OR56A3: variants seen among roughly 807,000 people sequenced by gnomAD.
OR56A3 encodes the protein olfactory receptor family 56 subfamily A member 3, also known as olfactory receptor 56A3.
A neutral mutation model predicts 17.5 loss-of-function variants in OR56A3; 23 were observed. That is an observed-to-expected ratio of 1.32 (90% CI 0.95 to 1.87). The LOEUF (loss-of-function observed/expected upper bound fraction) is 1.87, where lower values mean the gene tolerates loss of function less well. Ranked by LOEUF, OR56A3 falls within the 40% of genes most tolerant of loss-of-function variation. OR56A3 has a pLI of 0.00. For synonymous variants in OR56A3, 175 were observed against 150.6 expected (o/e 1.16, Z -1.19); for missense variants, 366 against 380.1 (o/e 0.96, Z 0.31).
In OR56A3 at chr11:5,950,622, A is replaced by C. The variant is rs750068402; in HGVS notation, c.*2328A>C. On this transcript the variant is annotated 3_prime_UTR_variant, in exon 3 of 3. Transcript: ENST00000641160. ...TTAGTACACATGTTGAAAAAGTAGA[A>C]ACAGACAAAATTAGTTCTAATAAGA... 1.3e-5 allele frequency: 2 copies of C among 152,142 alleles called. No individual in the cohort carries two copies. Among genetic ancestry groups the C allele is most frequent in the Non-Finnish European group, 2.9e-5 (2 of 67,980 alleles). 9.4% of individuals were successfully genotyped at this position (152,142 alleles called of 1,614,324 possible).
the OR56A3 span, chr11:5,968,484 G>A: frequency 1.3e-6 from 2 of 1,552,110 alleles, no homozygotes; most frequent in Non-Finnish European, 1.7e-6. Context: ...GTTGTTGCTG[G>A]GTAATGTCAT....
chr11:5,994,590 T>G, the OR56A3 span: 95 of 819,518 alleles, frequency 1.2e-4, no homozygotes, highest in South Asian at 1.2e-3. Context: ...GTGACATTGG[T>G]GTCATCAATG....
At chr11:5,994,201 C>A in the OR56A3 span, 1 of 526,106 alleles carries the variant, frequency 1.9e-6, no homozygotes, top group South Asian at 1.6e-5. Flanking sequence ...CTCCCTCAGG[C>A]TGTTCTCTAA....
the OR56A3 span, chr11:5,968,308 A>G: frequency 1.2e-6 from 2 of 1,612,776 alleles, no homozygotes; most frequent in East Asian, 4.5e-5. Context: ...AGCAGGTAGT[A>G]CAGGGGCTGG....
chr11:6,005,243 A>G, the OR56A3 span, among the ~76,000 whole-genome samples: 9 of 152,326 alleles, frequency 5.9e-5, no homozygotes, highest in East Asian at 1.5e-3. Flanking sequence ...AGATGCAACA[A>G]GCTAAGAGCA....
the OR56A3 span, among the ~76,000 whole-genome samples, chr11:5,979,658 G>T: frequency 2.0e-5 from 3 of 151,522 alleles, no homozygotes; most frequent in Admixed American, 6.6e-5. Flanking sequence ...AAAACGTTTT[G>T]GTTTCATTGA....
chr11:5,953,843 CATA>C (rs1400649667), downstream of OR56A3, among the ~76,000 whole-genome samples: 5 of 152,000 alleles, frequency 3.3e-5, no homozygotes, highest in African/African-American at 1.2e-4. Flanking sequence ...ATCAAGATTT[CATA>C]ATCCAGATGG....
the OR56A3 span, chr11:5,986,114 C>T: frequency 6.2e-7 from 1 of 1,613,894 alleles, no homozygotes; most frequent in Non-Finnish European, 8.5e-7. Flanking sequence ...GAGAAAATTC[C>T]AGGGACATAG....
the OR56A3 span, among the ~76,000 whole-genome samples, chr11:5,972,818 A>C: frequency 0.24 from 36,105 of 152,040 alleles, 4,541 homozygotes; most frequent in East Asian, 0.41. Context: ...TAGTAGAGAC[A>C]GGGTTTCACG....
chr11:5,974,195 C>T, the OR56A3 span, among the ~76,000 whole-genome samples: 2 of 152,094 alleles, frequency 1.3e-5, no homozygotes, highest in Admixed American at 1.3e-4. Flanking sequence ...CAACTTCCAC[C>T]TCCTGGTTTC....
chr11:5,976,377 CT>C, the OR56A3 span, among the ~76,000 whole-genome samples: 4 of 152,148 alleles, frequency 2.6e-5, no homozygotes, highest in African/African-American at 9.7e-5. Flanking sequence ...AAAGGAAAAG[CT>C]ATCTTTTGAG....
chr11:5,958,356 C>G, the OR56A3 span, among the ~76,000 whole-genome samples: 4 of 152,092 alleles, frequency 2.6e-5, no homozygotes, highest in Non-Finnish European at 4.4e-5. Context: ...AGAGGCTACA[C>G]GAGAAATTCC....
chr11:6,001,795 C>T, the OR56A3 span: 1 of 390,920 alleles, frequency 2.6e-6, no homozygotes, highest in Non-Finnish European at 4.5e-6. Context: ...TGGCAAGATT[C>T]TTTGTTGCAG....
At chr11:6,009,361 G>T in the OR56A3 span, among the ~76,000 whole-genome samples, 13 of 152,074 alleles carry the variant, frequency 8.5e-5, no homozygotes, top group Admixed American at 3.9e-4. Context: ...CCAAAATTTT[G>T]ATTTTTCCTT....
At chr11:6,010,461 A>G in the OR56A3 span, among the ~76,000 whole-genome samples, 2 of 152,304 alleles carry the variant, frequency 1.3e-5, no homozygotes, top group East Asian at 3.9e-4. Flanking sequence ...TAGTGCTTTT[A>G]TAAAAGAGCT....
the OR56A3 span, among the ~76,000 whole-genome samples, chr11:5,975,943 A>G: frequency 6.6e-6 from 1 of 151,982 alleles, no homozygotes; most frequent in Non-Finnish European, 1.5e-5. Flanking sequence ...AGAAACATCC[A>G]CATTCTGCAA....
the OR56A3 span, among the ~76,000 whole-genome samples, chr11:6,017,614 G>A: frequency 1.3e-5 from 2 of 152,226 alleles, no homozygotes; most frequent in Admixed American, 1.3e-4. Flanking sequence ...ATTACAATTC[G>A]ACATGAGATT....
the OR56A3 span, among the ~76,000 whole-genome samples, chr11:5,990,019 T>C: frequency 6.6e-6 from 1 of 152,214 alleles, no homozygotes; most frequent in Admixed American, 6.5e-5. Flanking sequence ...TTCTGTAAGG[T>C]AGTATGACAT....
In OR56A3 at chr11:5,949,960, C is replaced by T. The variant is rs2134365031; in HGVS notation, c.*1666C>T. 6.6e-6 allele frequency: 1 copy of T among 152,208 alleles called. No individual in the cohort carries two copies. Among genetic ancestry groups the T allele is most frequent in the Non-Finnish European group, 1.5e-5 (1 of 68,010 alleles). The allele number at this position is 152,208 out of a possible 1,614,324, so 9.4% of individuals were successfully genotyped here. On this transcript the variant is annotated 3_prime_UTR_variant, in exon 3 of 3. Coordinates refer to ENST00000641160, the MANE Select transcript of OR56A3 (RefSeq NM_001003443.3). The stretch of plus-strand genomic sequence containing the variant: ...AGTAGATACACCTTTTTCTTTATTA[C>T]TCAAAGAAGAAGGACTCTCTAAAAT...
Sources: allele counts gnomAD v4.1 joint callset (sites outside exome capture counted in the v4.1 genomes callset), GRCh38; gene constraint gnomAD v4.1.1; transcripts MANE v1.5; gene names NCBI Gene and HGNC (gene_info 2026-07-23, HGNC 2026-07-21).